Variants in RAPGEF6 observed in about 807,000 individuals in gnomAD.
RAPGEF6 encodes the protein Rap guanine nucleotide exchange factor 6, also known as PDZ domain containing guanine nucleotide exchange factor (GEF) 2.
RAPGEF6 carries 56 observed loss-of-function variants against 171.4 expected under a neutral mutation model. That is an observed-to-expected ratio of 0.33 (90% CI 0.26 to 0.41). The LOEUF is 0.41. Ranked by LOEUF, RAPGEF6 falls within the 10% of genes least tolerant of loss-of-function variation. The probability of loss-of-function intolerance (pLI) is 1.00; values close to 1 mark genes in which losing one functional copy is unlikely to be tolerated. For synonymous variants in RAPGEF6, 692 were observed against 650.1 expected (o/e 1.06, Z -0.98); for missense variants, 1,674 against 1,921.4 (o/e 0.87, Z 2.41).
chr5:131,547,970 C>G, intron 6 of RAPGEF6, 77 bp downstream of exon 6: 1 of 1,492,732 alleles, frequency 6.7e-7, no homozygotes, highest in Non-Finnish European at 9.2e-7. Context: ...GTTGATATTA[C>G]CAAAGATACA....
At chr5:131,580,361 C>T (rs899663753) in intron 4 of RAPGEF6, among the ~76,000 whole-genome samples, 7 of 152,140 alleles carry the variant, frequency 4.6e-5, no homozygotes, top group African/African-American at 1.7e-4. Context: ...CCACCCGGAA[C>T]TTGTGCTGGC....
At chr5:131,613,542 A>G (rs1434223054) in intron 1 of RAPGEF6, among the ~76,000 whole-genome samples, 1 of 152,154 alleles carries the variant, frequency 6.6e-6, no homozygotes, top group Non-Finnish European at 1.5e-5. Context: ...TGTGGCCCAG[A>G]TGGTTTTTTA....
intron 4 of RAPGEF6, among the ~76,000 whole-genome samples, chr5:131,562,387 A>G (rs574716497): frequency 6.6e-6 from 1 of 152,310 alleles, no homozygotes; most frequent in East Asian, 1.9e-4. Context: ...ACACTTAGTA[A>G]AAATCTAATA....
intron 21 of RAPGEF6, among the ~76,000 whole-genome samples, chr5:131,452,758 G>A (rs567131403): frequency 9.2e-5 from 14 of 151,906 alleles, no homozygotes; most frequent in Admixed American, 2.0e-4. Context: ...GAGCCACTGC[G>A]CCCGGCCTGC....
chr5:131,576,717 T>C (rs934001138), intron 4 of RAPGEF6, among the ~76,000 whole-genome samples: 2 of 152,202 alleles, frequency 1.3e-5, no homozygotes, highest in Admixed American at 6.5e-5. Flanking sequence ...ACTGAAACTA[T>C]TACTTATCAA....
intron 3 of RAPGEF6, among the ~76,000 whole-genome samples, chr5:131,598,825 A>C (rs1212023847): frequency 6.6e-6 from 1 of 152,228 alleles, no homozygotes; most frequent in African/African-American, 2.4e-5. Flanking sequence ...ATTTAATGCT[A>C]TCCTAATCCA....
intron 11 of RAPGEF6, among the ~76,000 whole-genome samples, chr5:131,499,821 C>T (rs985248090): frequency 6.6e-6 from 1 of 152,104 alleles, no homozygotes; most frequent in African/African-American, 2.4e-5. Flanking sequence ...GGTAAACATA[C>T]ATTAATACTA....
At chr5:131,477,458 A>G (rs1755175605) in intron 16 of RAPGEF6, among the ~76,000 whole-genome samples, 1 of 152,192 alleles carries the variant, frequency 6.6e-6, no homozygotes, top group African/African-American at 2.4e-5. Context: ...TTTAAGCAAA[A>G]CTATTTTTAC....
intron 22 of RAPGEF6, 50 bp from the exon 23 acceptor site, chr5:131,442,587 T>C: frequency 6.3e-7 from 1 of 1,597,324 alleles, no homozygotes; most frequent in Non-Finnish European, 8.5e-7. Context: ...TAGGCAAGGT[T>C]ATCACCACTG....
intron 25 of RAPGEF6, among the ~76,000 whole-genome samples, chr5:131,432,549 C>T (rs866464352): frequency 5.9e-5 from 9 of 151,820 alleles, no homozygotes; most frequent in Admixed American, 2.6e-4. Context: ...ACCCAGGAGG[C>T]GGAGCTTGCA....
chr5:131,582,418 C>T (rs1252649588), intron 4 of RAPGEF6, among the ~76,000 whole-genome samples: 1 of 152,028 alleles, frequency 6.6e-6, no homozygotes, highest in Non-Finnish European at 1.5e-5. Flanking sequence ...AGATCCACAC[C>T]TCATATCATA....
intron 4 of RAPGEF6, among the ~76,000 whole-genome samples, chr5:131,582,069 C>A (rs894970520): frequency 1.4e-4 from 21 of 152,202 alleles, no homozygotes; most frequent in Admixed American, 5.2e-4. Context: ...AATCCCACCA[C>A]CATTCACTGA....
intron 5 of RAPGEF6, among the ~76,000 whole-genome samples, chr5:131,554,109 G>A (rs1298376420): frequency 6.6e-6 from 1 of 152,098 alleles, no homozygotes; most frequent in Admixed American, 6.5e-5. Context: ...GGCAATTAAT[G>A]TCTGACTCCT....
chr5:131,586,612 C>CA (rs965300037), intron 4 of RAPGEF6, among the ~76,000 whole-genome samples: 2 of 150,788 alleles, frequency 1.3e-5, no homozygotes, highest in African/African-American at 4.9e-5. Context: ...GCCTGGGTGA[C>CA]AAAGTAAGAC....
chr5:131,459,213 A>G (rs764883415), intron 19 of RAPGEF6, among the ~76,000 whole-genome samples: 21 of 152,244 alleles, frequency 1.4e-4, no homozygotes, highest in Admixed American at 3.3e-4. Context: ...TGCATATTTT[A>G]GAAAAAAAGA....
chr5:131,553,037 T>C lies in RAPGEF6; in HGVS notation c.352-4847A>G, dbSNP rs140535008. Reference sequence around the variant, plus strand: ...GAGATGATAAACAGTAACCAAGCAGTTGAAGCTTGACCAGGACAAGAAAGC... The same window carrying C: ...GAGATGATAAACAGTAACCAAGCAGCTGAAGCTTGACCAGGACAAGAAAGC... On this transcript the variant is annotated intron_variant, in intron 5 of 27. Transcript: ENST00000509018. 2.0e-3 allele frequency among the ~76,000 whole-genome samples: 305 copies of C among 151,986 alleles called. 1 individual carries two copies. Among genetic ancestry groups the C allele is most frequent in the African/African-American group, 6.4e-3 (265 of 41,418 alleles).
chr5:131,554,763 C>T (rs1300607710), intron 5 of RAPGEF6, among the ~76,000 whole-genome samples: 8 of 152,232 alleles, frequency 5.3e-5, no homozygotes, highest in Middle Eastern at 3.4e-3. Flanking sequence ...GTGATCCACC[C>T]GCCTTGGCCT....
chr5:131,573,362 C>T (rs1762421175), intron 4 of RAPGEF6, among the ~76,000 whole-genome samples: 1 of 152,106 alleles, frequency 6.6e-6, no homozygotes, highest in African/African-American at 2.4e-5. Flanking sequence ...TCAGACCTTT[C>T]CCAAATCAGC....
At chr5:131,617,795 T>C (rs1765364611) in intron 1 of RAPGEF6, among the ~76,000 whole-genome samples, 1 of 152,238 alleles carries the variant, frequency 6.6e-6, no homozygotes, top group South Asian at 2.1e-4. Flanking sequence ...ATGGTAAATA[T>C]ATTCTAAAAT....
Sources: gnomAD v4.1 joint callset for allele counts (sites outside exome capture counted in the v4.1 genomes callset) on GRCh38, gnomAD v4.1.1 for gene constraint, MANE v1.5 for transcripts, NCBI Gene and HGNC (gene_info 2026-07-23, HGNC 2026-07-21) for gene names.